The following CMTR1 variants were observed in gnomAD, a reference collection of about 807,000 sequenced individuals.
CMTR1 encodes cap-specific mRNA (nucleoside-2'-O-)-methyltransferase 1.
A neutral mutation model predicts 107.0 loss-of-function variants in CMTR1; 39 were observed. The ratio of observed to expected loss-of-function variants is 0.36; its 90% CI spans 0.28 to 0.48. CMTR1 has a LOEUF of 0.48. Ranked by LOEUF, CMTR1 falls within the 20% of genes least tolerant of loss-of-function variation. The probability of loss-of-function intolerance (pLI) is 0.99; values close to 1 mark genes in which losing one functional copy is unlikely to be tolerated. For missense variants in CMTR1, 672 were observed against 1,064.9 expected, an observed-to-expected ratio of 0.63 and a Z score of 5.14; for synonymous variants, 366 against 379.5, an observed-to-expected ratio of 0.96 and a Z score of 0.41.
chr6:37,433,758 CT>C (rs1031766202), intron 1 of CMTR1, among the ~76,000 whole-genome samples: 3 of 152,238 alleles, frequency 2.0e-5, no homozygotes, highest in African/African-American at 7.2e-5. Flanking sequence ...GGCCGCTTGC[CT>C]TCCGCTTAGA....
Position 37,462,953 on chromosome 6 carries a change from G to C in CMTR1, c.1450G>C (p.Glu484Gln). 6.2e-7 allele frequency: 1 copy of C among 1,614,216 alleles called. No individual in the cohort carries two copies. Among genetic ancestry groups the C allele is most frequent in the Non-Finnish European group, 8.5e-7 (1 of 1,180,038 alleles). Residue 484 changes from glutamate to glutamine, a missense_variant, in exon 13 of 24, where the codon GAG becomes CAG. Coordinates refer to ENST00000373451, the MANE Select transcript of CMTR1 (RefSeq NM_015050.3). The stretch of plus-strand genomic sequence containing the variant: ...CGACGTCAACTTGGTGGTCCCCCTG[G>C]AGGTGATCAAGGGAGACCATGAATT... ...DSDVNLVVPL[E>Q]VIKGDHEFTD...
intron 20 of CMTR1, among the ~76,000 whole-genome samples, chr6:37,476,433 G>T (rs1264682581): frequency 6.6e-6 from 1 of 152,176 alleles, no homozygotes; most frequent in African/African-American, 2.4e-5. Context: ...CCTTGTTTAG[G>T]ATGCACGTGC....
At chr6:37,440,686 G>A (rs1325850982) in intron 2 of CMTR1, among the ~76,000 whole-genome samples, 1 of 152,144 alleles carries the variant, frequency 6.6e-6, no homozygotes, top group African/African-American at 2.4e-5. Flanking sequence ...TCTGGTACTG[G>A]AATTTTACAC....
intron 18 of CMTR1, 81 bp downstream of exon 18, chr6:37,474,727 T>G (rs1761702863): frequency 4.4e-6 from 7 of 1,573,230 alleles, no homozygotes; most frequent in Non-Finnish European, 5.2e-6. Flanking sequence ...TGCCCTGAGT[T>G]AACTTGGTTA....
chr6:37,471,247 T>A (rs560107459), intron 14 of CMTR1, among the ~76,000 whole-genome samples, 170 bp downstream of exon 14: 1 of 152,316 alleles, frequency 6.6e-6, no homozygotes, highest in East Asian at 1.9e-4. Flanking sequence ...TGACATGAGC[T>A]TTGTCCCCAA....
chr6:37,466,693 C>CTG (rs1226192684), intron 13 of CMTR1, among the ~76,000 whole-genome samples: 1 of 152,102 alleles, frequency 6.6e-6, no homozygotes, highest in Non-Finnish European at 1.5e-5. Context: ...GTTTTTAGTA[C>CTG]TGTAGCTTTG....
At chr6:37,471,257 A>G (rs979141929) in intron 14 of CMTR1, among the ~76,000 whole-genome samples, 180 bp downstream of exon 14, 4 of 152,182 alleles carry the variant, frequency 2.6e-5, no homozygotes, top group Admixed American at 6.6e-5. Flanking sequence ...TTTGTCCCCA[A>G]ATACTTTACA....
upstream of CMTR1, among the ~76,000 whole-genome samples, chr6:37,429,271 C>G (rs145646707): frequency 3.4e-4 from 52 of 152,218 alleles, no homozygotes; most frequent in East Asian, 9.8e-3. Flanking sequence ...TGCAGAGACT[C>G]ACTATCTTTC....
chr6:37,475,485 G>A, intron 19 of CMTR1, 73 bp downstream of exon 19: 1 of 1,299,030 alleles, frequency 7.7e-7, no homozygotes, highest in Non-Finnish European at 1.1e-6. Flanking sequence ...GGCCTCCCGA[G>A]GTGTGGCCCC....
chr6:37,469,920 GT>G (rs34467439), intron 13 of CMTR1, among the ~76,000 whole-genome samples: 18 of 142,770 alleles, frequency 1.3e-4, no homozygotes, highest in Admixed American at 2.8e-4. Flanking sequence ...TAGATGATCT[GT>G]TTTTTTTTTT....
At chr6:37,470,465 AG>A (rs1761602107) in intron 13 of CMTR1, among the ~76,000 whole-genome samples, 1 of 152,106 alleles carries the variant, frequency 6.6e-6, no homozygotes, top group African/African-American at 2.4e-5. Flanking sequence ...CCTTTCCAGT[AG>A]ATCTTTTAAC....
In CMTR1 at chr6:37,472,501, C is replaced by G; in HGVS notation, c.1689+14C>G. ...GAGCTAATCCAGGTAAGACTGGTATCTGTGGTGGACATAAAAAGTTAGAGA... is the reference window on the plus strand; with the variant it reads ...GAGCTAATCCAGGTAAGACTGGTATGTGTGGTGGACATAAAAAGTTAGAGA... On this transcript the variant is annotated intron_variant, in intron 16 of 23. Transcript: ENST00000373451. The surrounding 1 kb of genome is among the most constrained non-coding windows in gnomAD (Gnocchi z 4.1). The G allele has an allele frequency of 6.2e-6, 10 of 1,612,762 alleles. No homozygotes were observed. Among genetic ancestry groups the G allele is most frequent in the Non-Finnish European group, 8.5e-6 (10 of 1,178,756 alleles).
chr6:37,477,692 C>T (rs907590808), intron 21 of CMTR1, 53 bp downstream of exon 21: 10 of 1,246,496 alleles, frequency 8.0e-6, no homozygotes, highest in South Asian at 2.4e-5. Flanking sequence ...GGGGTGCGGC[C>T]GTGTCCTGTA....
At chr6:37,465,319 T>A (rs1428114337) in intron 13 of CMTR1, among the ~76,000 whole-genome samples, 1 of 152,056 alleles carries the variant, frequency 6.6e-6, no homozygotes, top group Non-Finnish European at 1.5e-5. Flanking sequence ...TTATATATAT[T>A]GTTTTATTCT....
chr6:37,466,158 G>A (rs999256557), intron 13 of CMTR1, among the ~76,000 whole-genome samples: 3 of 146,462 alleles, frequency 2.0e-5, no homozygotes, highest in Middle Eastern at 3.3e-3. Flanking sequence ...CTGTTACCAG[G>A]CTGGAGTACA....
At position 37,481,027 on chromosome 6, in the gene CMTR1, T is replaced by C. The variant is rs1761843637; in HGVS notation, c.*882T>C. 2 of 1,304,108 alleles carry C rather than the reference T, an allele frequency of 1.5e-6. No homozygotes were observed. Among genetic ancestry groups the C allele is most frequent in the Non-Finnish European group, 2.0e-6 (2 of 988,886 alleles). 80.8% of individuals were successfully genotyped at this position (1,304,108 alleles called of 1,614,324 possible). ...CTGCCCTCTGGCAGTCATGCACCGC[T>C]GTCTGCCATAGCCGCTCTAGGGTCT... On this transcript the variant is annotated 3_prime_UTR_variant, in exon 24 of 24. Transcript: ENST00000373451.
chr6:37,449,050 C>T (rs189956975), intron 4 of CMTR1, among the ~76,000 whole-genome samples: 5 of 152,196 alleles, frequency 3.3e-5, no homozygotes, highest in Admixed American at 2.6e-4. Context: ...AAGATATCCT[C>T]TCACCTCAGC....
rs1044058063 is a variant in CMTR1, at chr6:37,450,361, C to T, written c.537+18C>T. On this transcript the variant is annotated intron_variant, in intron 5 of 23. Transcript: ENST00000373451. ...TGGGAAAGGTAGGCTTTCAGGAAAA[C>T]GTACCCTGACTTCTTGGCATTCTCT... 10 of 1,581,760 alleles carry T rather than the reference C, an allele frequency of 6.3e-6. No homozygotes were observed. The highest frequency in any genetic ancestry group is 8.7e-6 in the Non-Finnish European group (10 of 1,150,578).
intron 13 of CMTR1, among the ~76,000 whole-genome samples, chr6:37,464,892 C>CTGTGTGTGTGTGTGTG (rs61375488): frequency 4.0e-5 from 6 of 148,348 alleles, no homozygotes; most frequent in Non-Finnish European, 7.4e-5. Flanking sequence ...TTCTAAAACG[C>CTGTGTGTGTGTGTGTG]TGTGTGTGTG....
Sources: gnomAD v4.1 joint callset for allele counts (sites outside exome capture counted in the v4.1 genomes callset) on GRCh38, gnomAD v4.1.1 for gene constraint, Gnocchi (gnomAD v3.1) non-coding constraint, MANE v1.5 for transcripts, NCBI Gene and HGNC (gene_info 2026-07-23, HGNC 2026-07-21) for gene names.